Variants in USE1 observed in about 807,000 individuals in gnomAD.
USE1 encodes vesicle transport protein USE1.
In USE1, 32 loss-of-function variants were observed where a neutral mutation model predicts 37.6. The observed-to-expected ratio is 0.85, with a 90% CI of 0.64 to 1.14. The LOEUF (loss-of-function observed/expected upper bound fraction) is 1.14. Ranked by LOEUF, USE1 falls within the 50% of genes most tolerant of loss-of-function variation. The pLI, the probability that USE1 is intolerant of heterozygous loss-of-function variation, is 0.00. For synonymous variants in USE1, 149 were observed against 137.6 expected (o/e 1.08, Z -0.58); for missense variants, 310 against 332.2 (o/e 0.93, Z 0.52).
At chr19:17,216,428 G>T in intron 4 of USE1, 107 bp downstream of exon 4, 1 of 1,461,962 alleles carries the variant, frequency 6.8e-7, no homozygotes, top group Non-Finnish European at 9.2e-7. Flanking sequence ...ACCCTAAGGG[G>T]GTCCAGCAAT....
chr19:17,218,923 T>A (rs2073307456), intron 6 of USE1: 1 of 217,926 alleles, frequency 4.6e-6, no homozygotes, highest in Non-Finnish European at 8.9e-6. Context: ...GGTCAGGGGT[T>A]CGAGACCACC....
intron 5 of USE1, 65 bp from the exon 6 acceptor site, chr19:17,218,299 T>C (rs2073302678): frequency 1.9e-6 from 3 of 1,607,966 alleles, no homozygotes; most frequent in Non-Finnish European, 2.6e-6. Context: ...GCACAGGCAA[T>C]GCTCAGGATG....
chr19:17,218,962 A>T, intron 6 of USE1: 1 of 320,308 alleles, frequency 3.1e-6, no homozygotes, highest in Non-Finnish European at 5.5e-6. Context: ...CCCTGTCTCT[A>T]CTAAAAATAC....
chr19:17,218,087 AATAAGCAAAT>A, intron 5 of USE1: 1 of 412,224 alleles, frequency 2.4e-6, no homozygotes, highest in East Asian at 5.1e-5. Context: ...CTGTCTCAAA[AATAAGCAAAT>A]AAATAAATTT....
intron 5 of USE1, chr19:17,217,944 G>A (rs544663200): frequency 4.8e-5 from 17 of 353,100 alleles, no homozygotes; most frequent in South Asian, 8.8e-5. Flanking sequence ...TTAGCCAGGC[G>A]TGGTGACGCA....
intron 5 of USE1, chr19:17,217,952 G>GC (rs890926595): frequency 4.5e-5 from 16 of 353,842 alleles, no homozygotes; most frequent in Non-Finnish European, 8.2e-5. Flanking sequence ...GCGTGGTGAC[G>GC]CACACCTGTA....
At chr19:17,219,137 A>G (rs1599440960) in intron 6 of USE1, 76 bp from the exon 7 acceptor site, 3 of 1,512,434 alleles carry the variant, frequency 2.0e-6, no homozygotes, top group Non-Finnish European at 2.7e-6. Flanking sequence ...AAAAAAAAAA[A>G]AAAAGAAAAT....
intron 4 of USE1, 99 bp downstream of exon 4, chr19:17,216,420 C>T: frequency 2.0e-6 from 3 of 1,492,458 alleles, no homozygotes; most frequent in Non-Finnish European, 2.7e-6. Flanking sequence ...ATACAGGAAC[C>T]CTAAGGGGGT....
Position 17,215,455 on chromosome 19 carries a change from G to A in USE1, c.50G>A (p.Cys17Tyr). 2 of 1,563,906 alleles carry A rather than the reference G, an allele frequency of 1.3e-6. No individual in the cohort carries two copies. The highest frequency in any genetic ancestry group is 1.2e-5 in the South Asian group (1 of 84,846). ...ELNLVRLLSRCEAMAAEKRDP... is the reference protein window; with the variant it reads ...ELNLVRLLSRYEAMAAEKRDP... ...AACCTGGTGCGGCTGCTATCCCGCT[G>A]CGAGGCGATGGCAGCGGAGAAACGG... Residue 17 changes from cysteine to tyrosine, a missense_variant, in exon 1 of 8, where the codon TGC becomes TAC. Transcript: ENST00000263897.
At position 17,219,805 on chromosome 19, in the gene USE1, C is replaced by T. The variant is rs1480332126; in HGVS notation, c.772C>T (p.Leu258Phe). The T allele has an allele frequency of 6.3e-7, 1 of 1,588,686 alleles. No homozygotes were observed. The highest frequency in any genetic ancestry group is 1.7e-4 in the Middle Eastern group (1 of 6,014). ...CCTCTTCATTCGAATCATGCCTAAA[C>T]TCAAATAAAGACCCCCGCCCACCTT... The part of the protein sequence containing the change: ...MILFIRIMPK[L>F]K The change falls in exon 8 of 8, where the codon CTC becomes TTC. Residue 258 changes from leucine (L) to phenylalanine (F), a missense_variant. Physicochemically the swap from Leu to Phe is conservative, Grantham distance 22. Transcript: ENST00000263897.
chr19:17,219,288 G>A lies in USE1; in HGVS notation c.498G>A (p.Gln166=). Residue 166 remains glutamine (Q), a synonymous_variant, in exon 7 of 8, where the codon CAG becomes CAA. Coordinates refer to ENST00000263897, the MANE Select transcript of USE1 (RefSeq NM_018467.4). ...AELDLVLQRH[Q]NLQEKLAEEM... ...TAGACCTCGTCCTGCAGCGACATCA[G>A]AACCTCCAGGAAAAGCTGGCGGAAG... The A allele has an allele frequency of 1.2e-6, 2 of 1,613,600 alleles. No individual in the cohort carries two copies. Among genetic ancestry groups the A allele is most frequent in the Non-Finnish European group, 1.7e-6 (2 of 1,179,780 alleles).
intron 5 of USE1, chr19:17,218,050 C>G: frequency 2.7e-6 from 1 of 371,278 alleles, no homozygotes; most frequent in Non-Finnish European, 5.1e-6. Flanking sequence ...CGCCAGTGCA[C>G]TCCAGCCTAG....
intron 6 of USE1, 67 bp downstream of exon 6, chr19:17,218,458 GC>G (rs2073303974): frequency 1.9e-6 from 3 of 1,599,502 alleles, no homozygotes; most frequent in Non-Finnish European, 2.6e-6. Context: ...GGTAGCAGTG[GC>G]CAAACCCTGG....
intron 7 of USE1, 39 bp from the exon 8 acceptor site, chr19:17,219,592 G>A (rs184104041): frequency 6.4e-7 from 1 of 1,558,894 alleles, no homozygotes; most frequent in East Asian, 2.3e-5. Context: ...GCCATTCTTG[G>A]CCCCAGTCCT....
intron 4 of USE1, among the ~76,000 whole-genome samples, chr19:17,217,221 C>A (rs918799008): frequency 1.3e-5 from 2 of 151,258 alleles, no homozygotes; most frequent in East Asian, 2.0e-4. Context: ...CTGCAACCTC[C>A]GCCTCCCAGG....
At chr19:17,217,136 CTT>C (rs35846876) in intron 4 of USE1, among the ~76,000 whole-genome samples, 161 of 128,576 alleles carry the variant, frequency 1.3e-3, no homozygotes, top group African/African-American at 1.3e-3. Flanking sequence ...ATGGCATTTA[CTT>C]TTTTTTTTTT....
Position 17,215,865 on chromosome 19 carries a change from G to C in USE1, c.152+14G>C. 1.2e-6 allele frequency: 2 copies of C among 1,605,006 alleles called. No homozygotes were observed. Among genetic ancestry groups the C allele is most frequent in the Non-Finnish European group, 1.7e-6 (2 of 1,176,004 alleles). ...GGTCCACGCGAGGTGAGTGCAGGCA[G>C]CCTCAGGGCTTTCACATCAGCACGT... is the stretch of plus-strand genomic sequence containing the variant. On this transcript the variant is annotated intron_variant, in intron 2 of 7. Transcript: ENST00000263897.
intron 4 of USE1, among the ~76,000 whole-genome samples, chr19:17,217,136 CT>C (rs35846876): frequency 0.67 from 85,768 of 128,496 alleles, 29,247 homozygotes; most frequent in African/African-American, 0.87. Context: ...ATGGCATTTA[CT>C]TTTTTTTTTT....
chr19:17,219,226 T>C lies in USE1; in HGVS notation c.436T>C (p.Ser146Pro), dbSNP rs201210102. ...DVRKRTGVAG[S>P]QPVSEKQLAA... ...GTGTGAAATCAGTGGAGTGGCAGGG[T>C]CCCAGCCAGTGAGTGAGAAGCAGTT... The change falls in exon 7 of 8, where the codon TCC becomes CCC. Residue 146 changes from serine to proline, a missense_variant. Coordinates refer to ENST00000263897, the MANE Select transcript of USE1 (RefSeq NM_018467.4). The C allele has an allele frequency of 7.0e-5, 112 of 1,607,894 alleles. 1 individual carries two copies. The highest frequency in any genetic ancestry group is 1.3e-5 in the African/African-American group (1 of 74,682).
Sources: allele counts gnomAD v4.1 joint callset (sites outside exome capture counted in the v4.1 genomes callset), GRCh38; gene constraint gnomAD v4.1.1; transcripts MANE v1.5; gene names NCBI Gene and HGNC (gene_info 2026-07-23, HGNC 2026-07-21).